Variants in CRYBG3 observed in about 807,000 individuals in gnomAD.
CRYBG3 encodes crystallin beta-gamma domain containing 3.
A neutral mutation model predicts 244.2 loss-of-function variants in CRYBG3; 127 were observed. The observed-to-expected ratio is 0.52, with a 90% CI of 0.45 to 0.60. The LOEUF (loss-of-function observed/expected upper bound fraction) is 0.60, where lower values mean the gene tolerates loss of function less well. Ranked by LOEUF, CRYBG3 falls within the 20% of genes least tolerant of loss-of-function variation. CRYBG3 has a pLI of 0.00. For missense variants in CRYBG3, 3,325 were observed against 3,442.5 expected, an observed-to-expected ratio of 0.97 and a Z score of 0.85; for synonymous variants, 1,132 against 1,195.8, an observed-to-expected ratio of 0.95 and a Z score of 1.10.
At chr3:97,935,207 C>G (rs986330850) in intron 18 of CRYBG3, among the ~76,000 whole-genome samples, 2 of 152,086 alleles carry the variant, frequency 1.3e-5, no homozygotes, top group African/African-American at 4.8e-5. Context: ...CACCATCCCA[C>G]ACAGTTTTCC....
chr3:97,827,341 C>G (rs1304312916), intron 1 of CRYBG3, among the ~76,000 whole-genome samples: 1 of 152,162 alleles, frequency 6.6e-6, no homozygotes, highest in Non-Finnish European at 1.5e-5. Context: ...CCTCCCCAAC[C>G]TTCAAGTAGG....
At chr3:97,895,261 A>T (rs2108235914) in intron 11 of CRYBG3, among the ~76,000 whole-genome samples, 1 of 152,320 alleles carries the variant, frequency 6.6e-6, no homozygotes, top group South Asian at 2.1e-4. Flanking sequence ...ATTAGTTTAT[A>T]AAAAGGTAAG....
At chr3:97,908,399 A>T (rs1023482018) in intron 15 of CRYBG3, among the ~76,000 whole-genome samples, 1 of 151,894 alleles carries the variant, frequency 6.6e-6, no homozygotes, top group African/African-American at 2.4e-5. Flanking sequence ...TTTTTAGGTC[A>T]CTCAGGACTT....
chr3:97,876,714 C>G lies in CRYBG3; in HGVS notation c.5520C>G (p.Pro1840=). Residue 1840 remains proline, a synonymous_variant, in exon 4 of 22, where the codon CCC becomes CCG. Coordinates refer to ENST00000389622, the MANE Select transcript of CRYBG3 (RefSeq NM_153605.4). ...CTATTGGAGCAACTGTGTCCACACCCTCTGTGATAGAAATGGAAAAAATAT... is the reference window on the plus strand; with the variant it reads ...CTATTGGAGCAACTGTGTCCACACCGTCTGTGATAGAAATGGAAAAAATAT... ...KETIGATVST[P]SVIEMEKISP... The G allele has an allele frequency of 8.0e-7, 1 of 1,257,114 alleles. No homozygotes were observed. Among genetic ancestry groups the G allele is most frequent in the Non-Finnish European group, 1.0e-6 (1 of 1,003,882 alleles). 77.9% of individuals were successfully genotyped at this position (1,257,114 alleles called of 1,614,324 possible). A position where few individuals can be genotyped will look rare whatever the true frequency, so the allele number is the denominator to read the frequency against.
chr3:97,830,512 A>T (rs962589630), intron 1 of CRYBG3, among the ~76,000 whole-genome samples: 3 of 152,152 alleles, frequency 2.0e-5, no homozygotes, highest in African/African-American at 7.2e-5. Flanking sequence ...TCTAACAAAC[A>T]AGGGTACATG....
At chr3:97,835,374 G>A (rs1299237569) in intron 1 of CRYBG3, among the ~76,000 whole-genome samples, 1 of 152,044 alleles carries the variant, frequency 6.6e-6, no homozygotes, top group Non-Finnish European at 1.5e-5. Flanking sequence ...TCTCTATTGG[G>A]TAGCATTTGA....
chr3:97,908,790 A>T (rs2108247511), intron 15 of CRYBG3, among the ~76,000 whole-genome samples: 1 of 152,276 alleles, frequency 6.6e-6, no homozygotes, highest in Non-Finnish European at 1.5e-5. Flanking sequence ...TCCTGTCATT[A>T]TGATGTTAGC....
chr3:97,909,219 A>G (rs2039830792), intron 15 of CRYBG3, among the ~76,000 whole-genome samples: 1 of 147,452 alleles, frequency 6.8e-6, no homozygotes, highest in South Asian at 2.2e-4. Flanking sequence ...TCTGACAATT[A>G]TGTGTCTTGG....
At chr3:97,835,245 A>T (rs2038716391) in intron 1 of CRYBG3, among the ~76,000 whole-genome samples, 1 of 152,068 alleles carries the variant, frequency 6.6e-6, no homozygotes, top group Non-Finnish European at 1.5e-5. Flanking sequence ...GTTGTATTCT[A>T]ATGGGGAGGG....
chr3:97,845,194 T>C (rs923610858), intron 2 of CRYBG3, among the ~76,000 whole-genome samples: 3 of 152,168 alleles, frequency 2.0e-5, no homozygotes, highest in African/African-American at 4.8e-5. Flanking sequence ...TCCCAGTTGA[T>C]CAGAACCATA....
chr3:97,908,887 G>T (rs2039824057), intron 15 of CRYBG3, among the ~76,000 whole-genome samples: 1 of 152,150 alleles, frequency 6.6e-6, no homozygotes, highest in Non-Finnish European at 1.5e-5. Context: ...GGCTGGTACT[G>T]GTTGTTCCTT....
intron 1 of CRYBG3, among the ~76,000 whole-genome samples, chr3:97,834,307 T>C (rs1420202439): frequency 1.3e-5 from 2 of 152,180 alleles, no homozygotes; most frequent in Admixed American, 6.5e-5. Flanking sequence ...GAAAAATATT[T>C]TCTATGTTCT....
chr3:97,882,287 T>A (rs1256648924), intron 7 of CRYBG3, among the ~76,000 whole-genome samples: 1 of 152,080 alleles, frequency 6.6e-6, no homozygotes, highest in Non-Finnish European at 1.5e-5. Context: ...TAATTAGAAG[T>A]ATACTATTCA....
rs960493171 is a variant in CRYBG3 at position 97,877,277 on chromosome 3, A to G, written c.6083A>G (p.Asp2028Gly). 1.9e-6 allele frequency: 3 copies of G among 1,613,942 alleles called. No homozygotes were observed. The highest frequency in any genetic ancestry group is 1.7e-6 in the Non-Finnish European group (2 of 1,179,970). Residue 2028 changes from aspartate (D) to glycine (G), a missense_variant, in exon 4 of 22, where the codon GAT becomes GGT. Transcript: ENST00000389622. ...ARQTQSVLFH[D>G]TSADSMPVLA... ...CAAACACAGTCTGTCTTGTTTCATGATACGTCCGCTGACAGCATGCCTGTT... is the reference window on the plus strand; with the variant it reads ...CAAACACAGTCTGTCTTGTTTCATGGTACGTCCGCTGACAGCATGCCTGTT...
chr3:97,903,884 T>A (rs983452846), intron 15 of CRYBG3, among the ~76,000 whole-genome samples: 2 of 152,152 alleles, frequency 1.3e-5, no homozygotes, highest in African/African-American at 4.8e-5. Context: ...GAATACTTTT[T>A]TTCCTTCGCT....
At chr3:97,910,103 G>C (rs373877170) in intron 15 of CRYBG3, among the ~76,000 whole-genome samples, 1 of 151,692 alleles carries the variant, frequency 6.6e-6, no homozygotes, top group Non-Finnish European at 1.5e-5. Flanking sequence ...CAGTCTGCCC[G>C]TTCTCAGATC....
chr3:97,857,626 A>G (rs758826938), intron 2 of CRYBG3, among the ~76,000 whole-genome samples: 1 of 151,750 alleles, frequency 6.6e-6, no homozygotes, highest in Non-Finnish European at 1.5e-5. Context: ...CTCTTTTTGC[A>G]GTTTTTGACT....
At chr3:97,893,724 T>A (rs1025888896) in intron 11 of CRYBG3, among the ~76,000 whole-genome samples, 1 of 152,210 alleles carries the variant, frequency 6.6e-6, no homozygotes, top group Non-Finnish European at 1.5e-5. Context: ...TTTTGGAACG[T>A]TAGTTTGTTT....
rs776487070 is a variant in CRYBG3, at chr3:97,877,504, T to G, written c.6310T>G (p.Ser2104Ala). The change falls in exon 4 of 22, where the codon TCA becomes GCA. Residue 2104 changes from serine to alanine, a missense_variant. Ser to Ala is a moderately conservative substitution (Grantham distance 99). Coordinates refer to ENST00000389622, the MANE Select transcript of CRYBG3 (RefSeq NM_153605.4). ...SQEDILSSEVSPGHHGPRKSR... is the reference protein window; with the variant it reads ...SQEDILSSEVAPGHHGPRKSR... ...GGAGGACATTCTATCTAGTGAGGTT[T>G]CACCTGGTCACCATGGCCCCAGGAA... is the stretch of plus-strand genomic sequence containing the variant. The G allele has an allele frequency of 1.8e-5, 29 of 1,614,068 alleles. No homozygotes were observed. In the Admixed American group the frequency reaches 4.8e-4, roughly 27 times the overall value.
Sources: gnomAD v4.1 joint callset for allele counts (sites outside exome capture counted in the v4.1 genomes callset) on GRCh38, gnomAD v4.1.1 for gene constraint, MANE v1.5 for transcripts, NCBI Gene and HGNC (gene_info 2026-07-23, HGNC 2026-07-21) for gene names.